The following HNF4A variants were observed in gnomAD, a reference collection of about 807,000 sequenced individuals.
HNF4A encodes hepatocyte nuclear factor 4-alpha.
A neutral mutation model predicts 52.4 loss-of-function variants in HNF4A; 15 were observed. The ratio of observed to expected loss-of-function variants is 0.29; its 90% confidence interval spans 0.19 to 0.44. HNF4A has a LOEUF of 0.44. Ranked by LOEUF, HNF4A falls within the 20% of genes least tolerant of loss-of-function variation. The pLI is 1.00. For synonymous variants in HNF4A, 280 were observed against 264.4 expected (o/e 1.06, Z -0.57); for missense variants, 479 against 647.2 (o/e 0.74, Z 2.82).
Position 44,429,710 on chromosome 20 carries a change from C to T in HNF4A, c.*45C>T, listed in dbSNP as rs766749757. 1.3e-6 allele frequency: 2 copies of T among 1,595,608 alleles called. No homozygotes were observed. Among genetic ancestry groups the T allele is most frequent in the Non-Finnish European group, 1.7e-6 (2 of 1,163,982 alleles). On this transcript the variant is annotated 3_prime_UTR_variant, in exon 10 of 10. Coordinates refer to ENST00000316099, the MANE Select transcript of HNF4A (RefSeq NM_000457.6). The stretch of plus-strand genomic sequence containing the variant: ...GGCTCCACTGGCTCCCCCCAGCCCC[C>T]TAAGAGAGCACCTGGTGATCACGTG...
Position 44,375,598 on chromosome 20 carries a change from T to C in HNF4A, c.49+19745T>C, listed in dbSNP as rs557439060. On this transcript the variant is annotated intron_variant, in intron 1 of 9. Coordinates refer to the HNF4A transcript ENST00000316673. The stretch of plus-strand genomic sequence containing the variant: ...AGGTGATTCGGCCAAAGTCATACAG[T>C]AAGTTAGTGGCAGAGCCAAGACTAG... 2.0e-4 allele frequency among the ~76,000 whole-genome samples: 30 copies of C among 152,060 alleles called. No homozygotes were observed. The South Asian group carries it at 6.2e-3, about 32-fold the overall frequency.
At position 44,407,293 on chromosome 20, in the gene HNF4A, G is replaced by A. The variant is rs1381069471; in HGVS notation, c.291-88G>A. The A allele has an allele frequency of 3.2e-6, 3 of 936,194 alleles. No individual in the cohort carries two copies. In the East Asian group the frequency reaches 7.8e-5, roughly 24 times the overall value. 58.0% of individuals were successfully genotyped at this position (936,194 alleles called of 1,614,324 possible). On this transcript the variant is annotated intron_variant, in intron 2 of 9. Coordinates refer to ENST00000316099, the MANE Select transcript of HNF4A (RefSeq NM_000457.6). ...GAAGAGATGAGAGCACTGAGGTTGG[G>A]GGGTCAACTGGATAGCCAGGGCCCT...
chr20:44,418,355 G>A (rs766033602), intron 5 of HNF4A, 70 bp from the exon 6 acceptor site: 45 of 1,253,874 alleles, frequency 3.6e-5, no homozygotes, highest in South Asian at 6.0e-5. Flanking sequence ...CTTGCCCAGC[G>A]TCACTGAGTT....
intron 3 of HNF4A, 117 bp downstream of exon 3, chr20:44,407,592 T>G: frequency 1.3e-6 from 1 of 763,156 alleles, no homozygotes; most frequent in East Asian, 2.7e-5. Context: ...CCAGGGTGAC[T>G]GGCTAATGGC....
chr20:44,404,897 G>C (rs1387256910), intron 1 of HNF4A, among the ~76,000 whole-genome samples: 1 of 100,166 alleles, frequency 1.0e-5, no homozygotes, highest in Non-Finnish European at 2.0e-5. Flanking sequence ...TGTGTGAACT[G>C]TGGTGTGTGT....
Position 44,413,773 on chromosome 20 carries a change from C to G in HNF4A, c.465C>G (p.Leu155=), listed in dbSNP as rs760556271. ...GCAGCCTGCCCTCCATCAATGCGCT[C>G]CTGCAGGCGGAGGTCCTGTCCCGAC... is the stretch of plus-strand genomic sequence containing the variant. Residue 155 remains leucine (L), a synonymous_variant, in exon 4 of 10, where the codon CTC becomes CTG. Transcript: ENST00000316099. 5 of 1,613,556 alleles carry G rather than the reference C, an allele frequency of 3.1e-6. No homozygotes were observed. Among genetic ancestry groups the G allele is most frequent in the Non-Finnish European group, 4.2e-6 (5 of 1,179,700 alleles).
intron 1 of HNF4A, among the ~76,000 whole-genome samples, chr20:44,369,685 G>C (rs549149735): frequency 6.6e-6 from 1 of 152,068 alleles, no homozygotes; most frequent in African/African-American, 2.4e-5. Flanking sequence ...TTGTTTTTCT[G>C]AGTTGGAGTC....
At chr20:44,396,106 T>G (rs185439737) in intron 1 of HNF4A, among the ~76,000 whole-genome samples, 3 of 152,230 alleles carry the variant, frequency 2.0e-5, no homozygotes, top group Non-Finnish European at 4.4e-5. Context: ...ATGCAGGCAA[T>G]GCGTAGAGGG....
In HNF4A at chr20:44,420,936, A is replaced by G. The variant is rs117113154; in HGVS notation, c.892+1060A>G. ...AAGAGAAGCATGTCTGATTATTTTA[A>G]TTGTTTCTTCTGGCAGTTTCCTCAA... On this transcript the variant is annotated intron_variant, in intron 7 of 9. Transcript: ENST00000316099. 9.7e-3 allele frequency among the ~76,000 whole-genome samples: 1,482 copies of G among 152,276 alleles called. 9 individuals carry two copies. The highest frequency in any genetic ancestry group is 0.014 in the Non-Finnish European group (929 of 68,020).
At chr20:44,421,069 C>T (rs2063737775) in intron 7 of HNF4A, among the ~76,000 whole-genome samples, 1 of 152,160 alleles carries the variant, frequency 6.6e-6, no homozygotes, top group Admixed American at 6.5e-5. Context: ...TCACCATTCC[C>T]ATCTTTTCTT....
intron 1 of HNF4A, among the ~76,000 whole-genome samples, chr20:44,403,239 G>C (rs1003939583): frequency 6.6e-6 from 1 of 152,306 alleles, no homozygotes; most frequent in South Asian, 2.1e-4. Flanking sequence ...ACCACCTCCA[G>C]CTCTGGAACC....
At chr20:44,397,818 G>C (rs2063367262), upstream of HNF4A, among the ~76,000 whole-genome samples, 1 of 151,960 alleles carries the variant, frequency 6.6e-6, no homozygotes, top group Admixed American at 6.6e-5. Flanking sequence ...GTAGAGACAG[G>C]GTTTCTCCAT....
At chr20:44,371,004 G>A (rs756508600) in intron 1 of HNF4A, among the ~76,000 whole-genome samples, 12 of 152,214 alleles carry the variant, frequency 7.9e-5, no homozygotes, top group Non-Finnish European at 1.5e-4. Flanking sequence ...CAGGCATGAC[G>A]AAGGGCAGAG....
intron 1 of HNF4A, among the ~76,000 whole-genome samples, chr20:44,379,646 G>A (rs1465657070): frequency 6.6e-6 from 1 of 151,852 alleles, no homozygotes; most frequent in African/African-American, 2.4e-5. Context: ...TCTCCTCCAG[G>A]GTTCAAGCGA....
Position 44,429,693 on chromosome 20 carries a change from T to TGGCTCCCCC in HNF4A, c.*29_*37dup. 1 of 1,612,414 alleles carries TGGCTCCCCC rather than the reference T, an allele frequency of 6.2e-7. No individual in the cohort carries two copies. Among genetic ancestry groups the TGGCTCCCCC allele is most frequent in the Non-Finnish European group, 8.5e-7 (1 of 1,178,704 alleles). ...AGCCGCTGGGGCTTGGGGGCTCCACTGGCTCCCCCCAGCCCCCTAAGAGAG... is the reference window on the plus strand; with the variant it reads ...AGCCGCTGGGGCTTGGGGGCTCCACTGGCTCCCCCGGCTCCCCCCAGCCCCCTAAGAGAG... On this transcript the variant is annotated 3_prime_UTR_variant, in exon 10 of 10. Transcript: ENST00000316099.
rs1408007468 is a variant in HNF4A at position 44,412,432 on chromosome 20, A to C, written c.386-1262A>C. ...CTGTGCAGGAAAGGGAACCCCAGGCAGTGACCACAGCAGCCTACAAGCGTG... is the reference window on the plus strand; with the variant it reads ...CTGTGCAGGAAAGGGAACCCCAGGCCGTGACCACAGCAGCCTACAAGCGTG... On this transcript the variant is annotated intron_variant, in intron 3 of 9. Transcript: ENST00000316099. Among the ~76,000 whole-genome samples the C allele has an allele frequency of 3.3e-5, 5 of 152,178 alleles. No individual in the cohort carries two copies. In the East Asian group the frequency reaches 9.6e-4, roughly 29 times the overall value.
intron 1 of HNF4A, chr20:44,390,738 C>G (rs1177679875): frequency 5.8e-6 from 4 of 691,644 alleles, no homozygotes; most frequent in South Asian, 4.6e-5. Flanking sequence ...GAGAGAGACA[C>G]AGAACCAAGG....
At position 44,393,338 on chromosome 20, in the gene HNF4A, A is replaced by C. The variant is rs1350255250; in HGVS notation, c.50-12720A>C. Among the ~76,000 whole-genome samples, 4 of 152,322 alleles carry C rather than the reference A, an allele frequency of 2.6e-5. No individual in the cohort carries two copies. In the South Asian group the frequency reaches 8.3e-4, roughly 32 times the overall value. The stretch of plus-strand genomic sequence containing the variant: ...GAGAAGCTCCACCCACACAGATCCA[A>C]GTCCTCCTGGCTTCCTTCCTGATCA... On this transcript the variant is annotated intron_variant, in intron 1 of 9. Coordinates refer to the HNF4A transcript ENST00000316673.
chr20:44,412,609 G>A (rs537587739), intron 3 of HNF4A, among the ~76,000 whole-genome samples: 7 of 152,114 alleles, frequency 4.6e-5, no homozygotes, highest in Non-Finnish European at 7.4e-5. Context: ...TGACTTGAAC[G>A]GATCCCTCTG....
Sources: allele counts gnomAD v4.1 joint callset (sites outside exome capture counted in the v4.1 genomes callset), GRCh38; gene constraint gnomAD v4.1.1; transcripts MANE v1.5; gene names NCBI Gene and HGNC (gene_info 2026-07-23, HGNC 2026-07-21).